The following PRDM11 variants were observed in gnomAD, a reference collection of about 807,000 sequenced individuals.
The protein encoded by PRDM11 is PR domain-containing protein 11.
Under a neutral mutation model 97.8 loss-of-function variants are expected in PRDM11, and 20 were observed. The observed-to-expected ratio is 0.20, with a 90% CI of 0.14 to 0.30. PRDM11 has a LOEUF of 0.30. Ranked by LOEUF, PRDM11 falls within the 10% of genes least tolerant of loss-of-function variation. The probability of loss-of-function intolerance (pLI) is 1.00; values close to 1 mark genes in which losing one functional copy is unlikely to be tolerated. For synonymous variants in PRDM11, 599 were observed against 637.7 expected, an observed-to-expected ratio of 0.94 and a Z score of 0.91; for missense variants, 1,139 against 1,555.2, an observed-to-expected ratio of 0.73 and a Z score of 4.50.
chr11:45,208,367 G>C (rs1395610544), intron 5 of PRDM11, among the ~76,000 whole-genome samples: 2 of 152,086 alleles, frequency 1.3e-5, no homozygotes, highest in Non-Finnish European at 2.9e-5. Flanking sequence ...TAGTTTCCCT[G>C]GTTACGTATT....
intron 4 of PRDM11, among the ~76,000 whole-genome samples, chr11:45,197,858 C>A (rs1299205347): frequency 6.6e-6 from 1 of 151,992 alleles, no homozygotes; most frequent in African/African-American, 2.4e-5. Flanking sequence ...ACATCACACA[C>A]CAGGGCCTGT....
rs373950556 is a variant in PRDM11, at chr11:45,103,941, C to A, written c.96+8040C>A. 3.9e-5 allele frequency among the ~76,000 whole-genome samples: 6 copies of A among 152,230 alleles called. No individual in the cohort carries two copies. The South Asian group carries it at 8.3e-4, about 21-fold the overall frequency. On this transcript the variant is annotated intron_variant, in intron 1 of 6. Transcript: ENST00000530656. ...TGAGGGCGATGGTTATCCCTGCTGT[C>A]ACTCAGCACTTTCAAATATAGCTGT... is the stretch of plus-strand genomic sequence containing the variant.
rs1480334111 is a variant in PRDM11, at chr11:45,231,906, C to T, written c.*3747C>T. ...CACCTTGTGATGCTAGGCACATCCT[C>T]ATTTCCCCATCCTCACTTGGGACTG... On this transcript the variant is annotated 3_prime_UTR_variant, in exon 8 of 8. Coordinates refer to ENST00000683152, the MANE Select transcript of PRDM11 (RefSeq NM_001384648.1). 1 of 152,074 alleles carries T rather than the reference C, an allele frequency of 6.6e-6. No homozygotes were observed. Among genetic ancestry groups the T allele is most frequent in the Non-Finnish European group, 1.5e-5 (1 of 68,008 alleles). 9.4% of individuals were successfully genotyped at this position (152,074 alleles called of 1,614,324 possible). A position where few individuals can be genotyped will look rare whatever the true frequency, so the allele number is the denominator to read the frequency against.
intron 1 of PRDM11, among the ~76,000 whole-genome samples, chr11:45,112,885 C>T (rs938060095): frequency 2.0e-5 from 3 of 152,142 alleles, no homozygotes; most frequent in African/African-American, 7.2e-5. Flanking sequence ...TGAATATTTT[C>T]TCCCACTCTG....
rs765143028 is a variant in PRDM11 at position 45,197,919 on chromosome 11, T to TTA, written c.487-6792_487-6791insTA. Among the ~76,000 whole-genome samples, 9 of 152,208 alleles carry TTA rather than the reference T, an allele frequency of 5.9e-5. No homozygotes were observed. In the East Asian group the frequency reaches 1.4e-3, roughly 23 times the overall value. ...ATAGCATTAGGAGATATACCTAATG[T>TTA]AAATGACGAGTTAACGGGTGCAGCA... On this transcript the variant is annotated intron_variant, in intron 4 of 7. Transcript: ENST00000683152.
Position 45,191,878 on chromosome 11 carries a change from C to T in PRDM11, c.486+8755C>T, listed in dbSNP as rs374270631. Among the ~76,000 whole-genome samples, 5 of 151,906 alleles carry T rather than the reference C, an allele frequency of 3.3e-5. No individual in the cohort carries two copies. The East Asian group carries it at 9.7e-4, about 29-fold the overall frequency. On this transcript the variant is annotated intron_variant, in intron 4 of 7. Transcript: ENST00000683152. ...TGAGTTCTGGGATACATGTGCAGAACCTGCAGGTTTATTACATTGGTATAC... is the reference window on the plus strand; with the variant it reads ...TGAGTTCTGGGATACATGTGCAGAATCTGCAGGTTTATTACATTGGTATAC...
rs1039456701 is a variant in PRDM11, at chr11:45,230,215, G to C, written c.*2056G>C. The stretch of plus-strand genomic sequence containing the variant: ...TAAAAAACAAAAAACAAAAAAAAAT[G>C]GGTTCCTCCAACTGTCCCACTGCCA... On this transcript the variant is annotated 3_prime_UTR_variant, in exon 8 of 8. Coordinates refer to ENST00000683152, the MANE Select transcript of PRDM11 (RefSeq NM_001384648.1). 6.6e-6 allele frequency: 1 copy of C among 151,670 alleles called. No homozygotes were observed. The highest frequency in any genetic ancestry group is 2.4e-5 in the African/African-American group (1 of 41,280). The allele number at this position is 151,670 out of a possible 1,614,324, so 9.4% of individuals were successfully genotyped here.
In PRDM11 at chr11:45,181,710, C is replaced by T. The variant is rs778959306; in HGVS notation, c.-6-51C>T. The T allele has an allele frequency of 2.0e-6, 3 of 1,519,792 alleles. No individual in the cohort carries two copies. The South Asian group carries it at 3.5e-5, about 17-fold the overall frequency. 94.1% of individuals were successfully genotyped at this position (1,519,792 alleles called of 1,614,324 possible). On this transcript the variant is annotated intron_variant, in intron 1 of 7. Transcript: ENST00000683152. ...CCCTCTCCGCCGCTCACTCCTCTTCCCCTGTTTCTTTGATCCTCTTCCTGT... is the reference window on the plus strand; with the variant it reads ...CCCTCTCCGCCGCTCACTCCTCTTCTCCTGTTTCTTTGATCCTCTTCCTGT...
intron 1 of PRDM11, among the ~76,000 whole-genome samples, chr11:45,151,821 T>C (rs1250768515): frequency 6.6e-6 from 1 of 152,038 alleles, no homozygotes; most frequent in East Asian, 1.9e-4. Flanking sequence ...TCCAGAAGCA[T>C]GGATGCATGT....
In PRDM11 at chr11:45,138,384, AGTG is replaced by A. The variant is rs1852922446; in HGVS notation, c.96+42484_96+42486del. Among the ~76,000 whole-genome samples, 5 of 152,238 alleles carry A rather than the reference AGTG, an allele frequency of 3.3e-5. No individual in the cohort carries two copies. The East Asian group carries it at 9.7e-4, about 29-fold the overall frequency. On this transcript the variant is annotated intron_variant, in intron 1 of 6. Coordinates refer to the PRDM11 transcript ENST00000530656. Reference sequence around the variant, plus strand: ...AGTGCAAGACCAGCCTGGGGAACATAGTGAGACCCCATCTCTATAAAAAACTTT... The same window carrying A: ...AGTGCAAGACCAGCCTGGGGAACATAAGACCCCATCTCTATAAAAAACTTT...
At position 45,181,669 on chromosome 11, in the gene PRDM11, G is replaced by A. The variant is rs1237094042; in HGVS notation, c.-6-92G>A. ...ATGGCAGGGAGGGTAACCAGACTCC[G>A]CGAGACCCCCACTTGCCCTCTCCGC... On this transcript the variant is annotated intron_variant, in intron 1 of 7. Coordinates refer to ENST00000683152, the MANE Select transcript of PRDM11 (RefSeq NM_001384648.1). The A allele has an allele frequency of 2.9e-5, 30 of 1,047,750 alleles. No individual in the cohort carries two copies. The Middle Eastern group carries it at 8.3e-4, about 29-fold the overall frequency. The allele number at this position is 1,047,750 out of a possible 1,614,324, so 64.9% of individuals were successfully genotyped here.
rs564675549 is a variant in PRDM11, at chr11:45,189,094, T to C, written c.486+5971T>C. Among the ~76,000 whole-genome samples, 16 of 152,024 alleles carry C rather than the reference T, an allele frequency of 1.1e-4. No homozygotes were observed. In the South Asian group the frequency reaches 3.1e-3, roughly 30 times the overall value. ...TTTTGTATTTTTAGTAGAGACGGGG[T>C]TTCTCCATGTTGGCCAGGCTGGTCT... On this transcript the variant is annotated intron_variant, in intron 4 of 7. Coordinates refer to ENST00000683152, the MANE Select transcript of PRDM11 (RefSeq NM_001384648.1).
At chr11:45,143,671 C>T (rs1851450620), upstream of PRDM11, among the ~76,000 whole-genome samples, 3 of 152,206 alleles carry the variant, frequency 2.0e-5, no homozygotes, top group Admixed American at 6.5e-5. Context: ...CTCACCCTGC[C>T]TCAAACTAGC....
chr11:45,169,387 C>T (rs1045295163), intron 1 of PRDM11, among the ~76,000 whole-genome samples: 2 of 152,238 alleles, frequency 1.3e-5, no homozygotes, highest in African/African-American at 4.8e-5. Flanking sequence ...AATATATGAG[C>T]ACATCTAAAT....
chr11:45,168,850 A>G (rs1375809093), intron 1 of PRDM11, among the ~76,000 whole-genome samples: 1 of 152,222 alleles, frequency 6.6e-6, no homozygotes, highest in Non-Finnish European at 1.5e-5. Flanking sequence ...CCACTTTGCC[A>G]TCTGAAAGTG....
chr11:45,216,389 G>A (rs1440680301), intron 5 of PRDM11, among the ~76,000 whole-genome samples: 1 of 152,132 alleles, frequency 6.6e-6, no homozygotes, highest in Admixed American at 6.5e-5. Flanking sequence ...CCTTGGGGAG[G>A]GCTTCTGATT....
chr11:45,181,805 T>C lies in PRDM11; in HGVS notation c.39T>C (p.Asn13=). ...ENMKECLAQT[N]AAVGDMVTVV... Reference sequence around the variant, plus strand: ...TGAAGGAGTGCTTGGCCCAGACCAATGCAGCCGTGGGGGATATGGTGACGG... The same window carrying C: ...TGAAGGAGTGCTTGGCCCAGACCAACGCAGCCGTGGGGGATATGGTGACGG... Residue 13 remains asparagine (N), a synonymous_variant, in exon 2 of 8, where the codon AAT becomes AAC. Coordinates refer to ENST00000683152, the MANE Select transcript of PRDM11 (RefSeq NM_001384648.1). The C allele has an allele frequency of 2.5e-6, 4 of 1,613,472 alleles. No individual in the cohort carries two copies. Among genetic ancestry groups the C allele is most frequent in the Non-Finnish European group, 3.4e-6 (4 of 1,179,886 alleles).
intron 4 of PRDM11, among the ~76,000 whole-genome samples, chr11:45,194,042 G>GT (rs1205312766): frequency 2.6e-5 from 4 of 152,224 alleles, no homozygotes; most frequent in African/African-American, 9.6e-5. Flanking sequence ...CAATTTCACA[G>GT]TTGAACGTAA....
chr11:45,191,161 A>G (rs1186828155), intron 4 of PRDM11, among the ~76,000 whole-genome samples: 1 of 152,140 alleles, frequency 6.6e-6, no homozygotes, highest in Non-Finnish European at 1.5e-5. Flanking sequence ...TACTTTTGAA[A>G]AGTTCAGGCT....
Sources: gnomAD v4.1 joint callset for allele counts (sites outside exome capture counted in the v4.1 genomes callset) on GRCh38, gnomAD v4.1.1 for gene constraint, MANE v1.5 for transcripts, NCBI Gene and HGNC (gene_info 2026-07-23, HGNC 2026-07-21) for gene names.